Variants in TET1 observed in about 807,000 individuals in gnomAD.
The protein encoded by TET1 is tet methylcytosine dioxygenase 1.
In TET1, 13 loss-of-function variants were observed where a neutral mutation model predicts 148.7. That is an observed-to-expected ratio of 0.09 (90% confidence interval 0.06 to 0.14). The LOEUF (loss-of-function observed/expected upper bound fraction) is 0.14. Among genes scored for constraint, TET1 ranks in the 10% least tolerant of loss-of-function variants. The pLI is 1.00. For missense variants in TET1, 2,182 were observed against 2,553.8 expected (o/e 0.85, Z 3.14); for synonymous variants, 907 against 937.2 (o/e 0.97, Z 0.59).
chr10:68,690,845 T>C lies in TET1; in HGVS notation c.5442T>C (p.Ser1814=), dbSNP rs1302432166. 6.2e-7 allele frequency: 1 copy of C among 1,612,624 alleles called. No homozygotes were observed. The highest frequency in any genetic ancestry group is 1.1e-5 in the South Asian group (1 of 91,006). The change falls in exon 12 of 12, where the codon AGT becomes AGC. Residue 1814 remains serine, a synonymous_variant. Transcript: ENST00000373644. ...AGACCGTGCAACCTGAAGTAAAAAGTGAAACCGAACCCCATTTTATCTTAA... is the reference window on the plus strand; with the variant it reads ...AGACCGTGCAACCTGAAGTAAAAAGCGAAACCGAACCCCATTTTATCTTAA... ...NTETVQPEVK[S]ETEPHFILKS...
At chr10:68,662,954 A>C (rs1186004900) in intron 6 of TET1, among the ~76,000 whole-genome samples, 3 of 152,202 alleles carry the variant, frequency 2.0e-5, no homozygotes, top group Admixed American at 6.5e-5. Context: ...AAAAAAGAAC[A>C]GTTTTAAAAG....
chr10:68,640,467 T>C (rs2054729390), intron 3 of TET1, among the ~76,000 whole-genome samples: 1 of 150,422 alleles, frequency 6.6e-6, no homozygotes, highest in Admixed American at 6.7e-5. Context: ...TTTCACCATC[T>C]TGGCCAGGCT....
chr10:68,691,631 G>A lies in TET1; in HGVS notation c.6228G>A (p.Lys2076=). The A allele has an allele frequency of 6.2e-7, 1 of 1,614,160 alleles. No individual in the cohort carries two copies. Among genetic ancestry groups the A allele is most frequent in the Admixed American group, 1.7e-5 (1 of 60,018 alleles). ...TTGAGGCTAAAGAAGCTAAGAATAA[G>A]AAAATGAAGGCCTCAGAGCAAAAAG... ...IKFEAKEAKN[K]KMKASEQKDQ... is the part of the protein sequence containing the mutation. The change falls in exon 12 of 12, where the codon AAG becomes AAA. Residue 2076 remains lysine, a synonymous_variant. Transcript: ENST00000373644. The surrounding 1 kb of genome is among the most constrained non-coding windows in gnomAD (Gnocchi z 4.4).
At position 68,595,157 on chromosome 10, in the gene TET1, A is replaced by G. The variant is rs886116027; in HGVS notation, c.1915-5824A>G. On this transcript the variant is annotated intron_variant, in intron 2 of 11. Coordinates refer to ENST00000373644, the MANE Select transcript of TET1 (RefSeq NM_030625.3). Reference sequence around the variant, plus strand: ...AAGAGAGTGAGACCCTATCAAGAAAAAAAAAAAAAATCTCTGAAAGGTACA... The same window carrying G: ...AAGAGAGTGAGACCCTATCAAGAAAGAAAAAAAAAATCTCTGAAAGGTACA... Among the ~76,000 whole-genome samples the G allele has an allele frequency of 1.6e-4, 24 of 151,942 alleles. 1 individual carries two copies. Among genetic ancestry groups the G allele is most frequent in the Non-Finnish European group, 2.6e-4 (18 of 67,968 alleles).
At chr10:68,612,383 C>T (rs1050609006) in intron 3 of TET1, among the ~76,000 whole-genome samples, 2 of 151,994 alleles carry the variant, frequency 1.3e-5, no homozygotes, top group African/African-American at 4.8e-5. Flanking sequence ...AGCCACCGGG[C>T]CCGGCCAGTC....
chr10:68,564,252 G>A (rs577681028), intron 1 of TET1, among the ~76,000 whole-genome samples: 2 of 151,480 alleles, frequency 1.3e-5, no homozygotes, highest in East Asian at 3.9e-4. Context: ...GGGTTCAAGT[G>A]ATTCTCCTTC....
intron 3 of TET1, among the ~76,000 whole-genome samples, chr10:68,642,319 A>G (rs935163915): frequency 6.6e-6 from 1 of 152,180 alleles, no homozygotes; most frequent in African/African-American, 2.4e-5. Flanking sequence ...CTGTAGACCC[A>G]GCTACTCAGA....
Position 68,573,509 on chromosome 10 carries a change from G to A in TET1, c.1171G>A (p.Glu391Lys). Residue 391 changes from glutamate (E) to lysine (K), a missense_variant, in exon 2 of 12, where the codon GAG becomes AAG. Transcript: ENST00000373644. ...CCCAGTTCATGGTGAGGCCCTGGGTGAGACCCCAGATCTACCAGAGATTCC... is the reference window on the plus strand; with the variant it reads ...CCCAGTTCATGGTGAGGCCCTGGGTAAGACCCCAGATCTACCAGAGATTCC... ...ADPVHGEALG[E>K]TPDLPEIPGA... is the part of the protein sequence containing the mutation. The A allele has an allele frequency of 6.2e-7, 1 of 1,614,200 alleles. No homozygotes were observed. Among genetic ancestry groups the A allele is most frequent in the African/African-American group, 1.3e-5 (1 of 75,046 alleles).
chr10:68,644,708 A>G lies in TET1; in HGVS notation c.1979A>G (p.Asp660Gly). The G allele has an allele frequency of 1.3e-6, 2 of 1,559,996 alleles. No homozygotes were observed. The highest frequency in any genetic ancestry group is 1.7e-6 in the Non-Finnish European group (2 of 1,156,772). The stretch of plus-strand genomic sequence containing the variant: ...TTCTGTATTTTACAGGCAGATTTTG[A>G]CAACAAACCAGTAAATGGCCCCAAG... ...KKPKVLKADF[D>G]NKPVNGPKSE... Residue 660 changes from aspartate (D) to glycine (G), a missense_variant, in exon 4 of 12, where the codon GAC (aspartate) becomes GGC (glycine). By Grantham distance (94) the Asp-to-Gly change is moderately conservative. Coordinates refer to ENST00000373644, the MANE Select transcript of TET1 (RefSeq NM_030625.3).
At chr10:68,688,407 C>T (rs1326847817) in intron 11 of TET1, among the ~76,000 whole-genome samples, 2 of 144,104 alleles carry the variant, frequency 1.4e-5, no homozygotes, top group Admixed American at 7.0e-5. Flanking sequence ...TCTTTTGTCA[C>T]AACCTCAATT....
intron 3 of TET1, among the ~76,000 whole-genome samples, chr10:68,641,466 G>T (rs2054752561): frequency 1.7e-5 from 2 of 115,932 alleles, no homozygotes; most frequent in South Asian, 3.5e-4. Context: ...TTCCCAGGAG[G>T]TTACCATTTA....
At chr10:68,613,053 A>AT (rs1343885505) in intron 3 of TET1, among the ~76,000 whole-genome samples, 4 of 152,226 alleles carry the variant, frequency 2.6e-5, no homozygotes, top group Admixed American at 2.0e-4. Flanking sequence ...ATTCATACAC[A>AT]TTATAGCTTA....
intron 3 of TET1, among the ~76,000 whole-genome samples, chr10:68,642,710 TTC>T (rs2054776978): frequency 6.6e-6 from 1 of 152,132 alleles, no homozygotes; most frequent in Non-Finnish European, 1.5e-5. Flanking sequence ...GTTCAAGCGA[TTC>T]TCCTGCCTCA....
intron 3 of TET1, among the ~76,000 whole-genome samples, chr10:68,615,375 T>C (rs2054276345): frequency 6.8e-6 from 1 of 147,744 alleles, no homozygotes; most frequent in African/African-American, 2.7e-5. Context: ...AGATGGAGAC[T>C]CACTCTTTTG....
intron 11 of TET1, among the ~76,000 whole-genome samples, chr10:68,690,337 G>A (rs1229744719): frequency 6.6e-6 from 1 of 152,198 alleles, no homozygotes; most frequent in Non-Finnish European, 1.5e-5. Context: ...GCCGGGCGCA[G>A]TAGCTCAAGC....
intron 2 of TET1, among the ~76,000 whole-genome samples, chr10:68,584,855 C>G (rs1053344506): frequency 6.6e-6 from 1 of 151,256 alleles, no homozygotes; most frequent in African/African-American, 2.4e-5. Flanking sequence ...AAATCTCGCC[C>G]TGTTGCCCAG....
chr10:68,665,312 C>G (rs73262425), intron 6 of TET1, among the ~76,000 whole-genome samples: 4 of 151,970 alleles, frequency 2.6e-5, no homozygotes, highest in Non-Finnish European at 4.4e-5. Flanking sequence ...ACACACGAAC[C>G]TCTGATAGGG....
intron 7 of TET1, among the ~76,000 whole-genome samples, chr10:68,669,939 C>T (rs1036818611): frequency 2.6e-5 from 4 of 152,132 alleles, no homozygotes; most frequent in African/African-American, 4.8e-5. Context: ...CCACCGTGCC[C>T]GGCCTGGTAA....
chr10:68,599,789 A>C (rs1282420342), intron 2 of TET1, among the ~76,000 whole-genome samples: 1 of 152,186 alleles, frequency 6.6e-6, no homozygotes, highest in Admixed American at 6.5e-5. Context: ...CAAAGATATG[A>C]GTCCGAATTT....
Sources: gnomAD v4.1 joint callset for allele counts (sites outside exome capture counted in the v4.1 genomes callset) on GRCh38, gnomAD v4.1.1 for gene constraint, Gnocchi (gnomAD v3.1) non-coding constraint, MANE v1.5 for transcripts, NCBI Gene and HGNC (gene_info 2026-07-23, HGNC 2026-07-21) for gene names.